Variants in ADAMTS12 observed in about 807,000 individuals in gnomAD.
ADAMTS12 encodes A disintegrin and metalloproteinase with thrombospondin motifs 12.
ADAMTS12 carries 118 observed loss-of-function variants against 167.8 expected under a neutral mutation model. The ratio of observed to expected loss-of-function variants is 0.70; its 90% CI spans 0.61 to 0.82. The LOEUF (loss-of-function observed/expected upper bound fraction) is 0.82, where lower values mean the gene tolerates loss of function less well. ADAMTS12 is among the 40% of genes least tolerant of loss of function. The pLI is 0.00. For synonymous variants in ADAMTS12, 704 were observed against 716.9 expected, an observed-to-expected ratio of 0.98 and a Z score of 0.29; for missense variants, 1,916 against 1,998.8, an observed-to-expected ratio of 0.96 and a Z score of 0.79.
At chr5:33,613,240 A>G (rs1354460994) in intron 16 of ADAMTS12, among the ~76,000 whole-genome samples, 3 of 152,182 alleles carry the variant, frequency 2.0e-5, no homozygotes, top group Non-Finnish European at 4.4e-5. Flanking sequence ...ACGTGACCCA[A>G]AGGAGAAAGA....
Position 33,627,238 on chromosome 5 carries a change from A to ATGG in ADAMTS12, c.2023-2890_2023-2888dup, listed in dbSNP as rs375015881. ...TAGTGGTGGTGGAGATGGTGGAGTG[A>ATGG]TGGTGGTGGTGGTGGTGGTGGAGGT... On this transcript the variant is annotated intron_variant, in intron 13 of 23. Coordinates refer to ENST00000504830, the MANE Select transcript of ADAMTS12 (RefSeq NM_030955.4). Among the ~76,000 whole-genome samples, 10 of 128,596 alleles carry ATGG rather than the reference A, an allele frequency of 7.8e-5. 1 individual carries two copies. Among genetic ancestry groups the ATGG allele is most frequent in the African/African-American group, 2.7e-4 (9 of 33,856 alleles). The allele number at this position is 128,596 out of a possible 152,430, so 84.4% of individuals were successfully genotyped here.
chr5:33,806,113 C>T lies in ADAMTS12; in HGVS notation c.490-54565G>A, dbSNP rs116345619. On this transcript the variant is annotated intron_variant, in intron 2 of 23. Coordinates refer to ENST00000504830, the MANE Select transcript of ADAMTS12 (RefSeq NM_030955.4). ...AATTCATTATTTATTCTTCCATCTA[C>T]TAGCTACAAATCTGTTGTGAATTTC... 6.1e-3 allele frequency among the ~76,000 whole-genome samples: 935 copies of T among 152,286 alleles called. 8 individuals are homozygous for T. Among genetic ancestry groups the T allele is most frequent in the African/African-American group, 0.021 (893 of 41,550 alleles).
chr5:33,737,884 C>T (rs968274826), intron 3 of ADAMTS12, among the ~76,000 whole-genome samples: 2 of 152,134 alleles, frequency 1.3e-5, no homozygotes, highest in African/African-American at 4.8e-5. Flanking sequence ...ACCCACCCTA[C>T]CTTTGCGCAA....
At chr5:33,575,825 T>C (rs1427090007) in intron 19 of ADAMTS12, among the ~76,000 whole-genome samples, 1 of 152,222 alleles carries the variant, frequency 6.6e-6, no homozygotes, top group East Asian at 1.9e-4. Context: ...GATTAAAAGC[T>C]AGACAATATA....
intron 2 of ADAMTS12, among the ~76,000 whole-genome samples, chr5:33,821,385 T>G (rs951007702): frequency 6.6e-6 from 1 of 152,192 alleles, no homozygotes; most frequent in African/African-American, 2.4e-5. Flanking sequence ...CATTTCTCTA[T>G]TTTTTGGCAT....
chr5:33,849,326 T>C (rs1182359149), intron 2 of ADAMTS12, among the ~76,000 whole-genome samples: 1 of 143,114 alleles, frequency 7.0e-6, no homozygotes, highest in African/African-American at 2.7e-5. Context: ...TAGCTATATA[T>C]ATATGTATTG....
chr5:33,793,582 A>T (rs1746659765), intron 2 of ADAMTS12, among the ~76,000 whole-genome samples: 1 of 152,158 alleles, frequency 6.6e-6, no homozygotes, highest in South Asian at 2.1e-4. Context: ...GAAATGAGAG[A>T]CTGTATTGGA....
At chr5:33,595,189 C>G (rs1747860139) in intron 17 of ADAMTS12, among the ~76,000 whole-genome samples, 1 of 151,296 alleles carries the variant, frequency 6.6e-6, no homozygotes, top group Non-Finnish European at 1.5e-5. Context: ...TAAACATAAG[C>G]CTGGCATAAT....
chr5:33,527,023 G>T lies in ADAMTS12; in HGVS notation c.*165C>A. 1.1e-6 allele frequency: 1 copy of T among 884,270 alleles called. No individual in the cohort carries two copies. The highest frequency in any genetic ancestry group is 1.7e-6 in the Non-Finnish European group (1 of 583,586). The allele number at this position is 884,270 out of a possible 1,614,324, so 54.8% of individuals were successfully genotyped here. A position where few individuals can be genotyped will look rare whatever the true frequency, so the allele number is the denominator to read the frequency against. The stretch of plus-strand genomic sequence containing the variant: ...GTACGGCAGCCTAGGCCTCCTGTGA[G>T]GGACATTCGGTGGCTAGAGGAACAC... On this transcript the variant is annotated 3_prime_UTR_variant, in exon 24 of 24. Transcript: ENST00000504830.
At chr5:33,798,374 G>A (rs113184988) in intron 2 of ADAMTS12, among the ~76,000 whole-genome samples, 1,864 of 149,216 alleles carry the variant, frequency 0.012, 44 homozygotes, top group African/African-American at 0.044. Flanking sequence ...TAGCAGACAA[G>A]CCTTGTCTCT....
intron 3 of ADAMTS12, among the ~76,000 whole-genome samples, chr5:33,749,275 C>T (rs1744893547): frequency 6.6e-6 from 1 of 152,108 alleles, no homozygotes; most frequent in African/African-American, 2.4e-5. Context: ...TCAAGGAAGA[C>T]TTAAAAAGTA....
At chr5:33,540,386 C>T (rs1197693484) in intron 22 of ADAMTS12, among the ~76,000 whole-genome samples, 2 of 152,260 alleles carry the variant, frequency 1.3e-5, no homozygotes, top group African/African-American at 2.4e-5. Context: ...CAGGGCATAG[C>T]TGAACAAAAG....
At chr5:33,677,781 A>G (rs6876488) in intron 5 of ADAMTS12, among the ~76,000 whole-genome samples, 7,347 of 152,256 alleles carry the variant, frequency 0.048, 638 homozygotes, top group African/African-American at 0.17. Context: ...TTTTCAGAAC[A>G]TGGTTTTGTA....
rs775928489 is a variant in ADAMTS12 at position 33,658,293 on chromosome 5, G to A, written c.1081C>T (p.Leu361=). Residue 361 remains leucine (L), a synonymous_variant, in exon 7 of 24, where the codon CTG becomes TTG. Transcript: ENST00000504830. ...ATTCCTGAAAGGTGAGACAGGCCCA[G>A]GGTCTCGCAGGGGCGATTGAAACCA... ...CAGFNRPCET[L]GLSHLSGMCQ... The A allele has an allele frequency of 3.1e-6, 5 of 1,613,624 alleles. No individual in the cohort carries two copies. The highest frequency in any genetic ancestry group is 2.5e-6 in the Non-Finnish European group (3 of 1,179,696).
chr5:33,859,782 G>A (rs376944401), intron 2 of ADAMTS12, among the ~76,000 whole-genome samples: 1 of 152,158 alleles, frequency 6.6e-6, no homozygotes, highest in African/African-American at 2.4e-5. Context: ...TCTCGTGGGT[G>A]CCCCTCTGGG....
At chr5:33,643,144 T>C (rs1400469503) in intron 10 of ADAMTS12, among the ~76,000 whole-genome samples, 16 of 152,172 alleles carry the variant, frequency 1.1e-4, no homozygotes. Flanking sequence ...AAACAGATGT[T>C]TTACAAGTGA....
intron 3 of ADAMTS12, among the ~76,000 whole-genome samples, chr5:33,730,949 C>T (rs545150662): frequency 3.3e-5 from 5 of 152,122 alleles, no homozygotes; most frequent in African/African-American, 9.7e-5. Flanking sequence ...CAGACAGACC[C>T]GGATACAAAT....
intron 2 of ADAMTS12, among the ~76,000 whole-genome samples, chr5:33,851,856 C>G (rs1016395655): frequency 1.3e-4 from 20 of 152,340 alleles, no homozygotes; most frequent in Admixed American, 9.8e-4. Flanking sequence ...ATTAGCTACT[C>G]CCAGTATGGG....
chr5:33,714,768 A>T (rs1018725703), intron 3 of ADAMTS12, among the ~76,000 whole-genome samples: 1 of 152,132 alleles, frequency 6.6e-6, no homozygotes, highest in Non-Finnish European at 1.5e-5. Context: ...AGTAAAGAGT[A>T]GAATGATAGT....
Sources: gnomAD v4.1 joint callset for allele counts (sites outside exome capture counted in the v4.1 genomes callset) on GRCh38, gnomAD v4.1.1 for gene constraint, MANE v1.5 for transcripts, NCBI Gene and HGNC (gene_info 2026-07-23, HGNC 2026-07-21) for gene names.